CINP: variants seen among roughly 807,000 people sequenced by gnomAD.
CINP encodes cyclin-dependent kinase 2-interacting protein.
Under a neutral mutation model 20.5 loss-of-function variants are expected in CINP, and 11 were observed. The ratio of observed to expected loss-of-function variants is 0.54; its 90% CI spans 0.34 to 0.89. The LOEUF (loss-of-function observed/expected upper bound fraction) is 0.89, where lower values mean the gene tolerates loss of function less well. CINP is among the 40% of genes least tolerant of loss of function. The probability of loss-of-function intolerance (pLI) is 0.02; values close to 1 mark genes in which losing one functional copy is unlikely to be tolerated. For missense variants in CINP, 213 were observed against 251.0 expected (o/e 0.85, Z 1.02); for synonymous variants, 108 against 102.1 (o/e 1.06, Z -0.35).
intron 1 of CINP, chr14:102,362,600 T>G (rs1887192036): frequency 1.4e-6 from 1 of 708,404 alleles, no homozygotes; most frequent in Admixed American, 2.0e-5. Flanking sequence ...CTGCTGACAC[T>G]CATTTGCGTA....
intron 2 of CINP, among the ~76,000 whole-genome samples, chr14:102,356,474 G>T (rs1887000942): frequency 2.0e-5 from 3 of 151,792 alleles, no homozygotes; most frequent in African/African-American, 7.3e-5. Context: ...CATGGTGCTG[G>T]ATGTACAAAG....
intron 2 of CINP, 83 bp from the exon 3 acceptor site, chr14:102,355,980 A>G: frequency 1.4e-6 from 2 of 1,410,604 alleles, no homozygotes; most frequent in South Asian, 1.3e-5. Context: ...ACAAACCTCT[A>G]TATCCACATA....
At position 102,359,604 on chromosome 14, in the gene CINP, G is replaced by T; in HGVS notation, c.8-17C>A. The T allele has an allele frequency of 6.3e-7, 1 of 1,582,954 alleles. No homozygotes were observed. Among genetic ancestry groups the T allele is most frequent in the Non-Finnish European group, 8.6e-7 (1 of 1,163,064 alleles). ...GAGTCTTTGCTGATAGGGTATAAAA[G>T]AAACAAAATTATTATCATGGAATAT... On this transcript the variant is annotated splice_polypyrimidine_tract_variant and intron_variant, in intron 1 of 4. Transcript: ENST00000216756.
intron 2 of CINP, among the ~76,000 whole-genome samples, 192 bp downstream of exon 2, chr14:102,359,227 A>ATAT (rs1887072544): frequency 6.1e-4 from 70 of 115,420 alleles, no homozygotes; most frequent in African/African-American, 2.0e-3. Flanking sequence ...TAAATAACTA[A>ATAT]ATATATATAT....
intron 1 of CINP, 102 bp from the exon 2 acceptor site, chr14:102,359,689 G>T: frequency 1.2e-6 from 1 of 802,016 alleles, no homozygotes; most frequent in Non-Finnish European, 1.9e-6. Flanking sequence ...TATCTGAAAT[G>T]CTGTATCAAC....
At chr14:102,358,065 T>A (rs1887038546) in intron 2 of CINP, among the ~76,000 whole-genome samples, 1 of 152,166 alleles carries the variant, frequency 6.6e-6, no homozygotes, top group Non-Finnish European at 1.5e-5. Flanking sequence ...ACTCTGCCAG[T>A]GGAAAAAGCA....
At chr14:102,362,708 C>T (rs1887198211) in intron 1 of CINP, 137 bp downstream of exon 1, 5 of 1,204,208 alleles carry the variant, frequency 4.2e-6, no homozygotes, top group Admixed American at 1.9e-5. Flanking sequence ...GGCCTGCGGG[C>T]TAGGCTGGGG....
chr14:102,360,276 C>T, intron 1 of CINP, among the ~76,000 whole-genome samples: 1 of 152,152 alleles, frequency 6.6e-6, no homozygotes, highest in Non-Finnish European at 1.5e-5. Context: ...AAAGCTCCTT[C>T]CTTCCTCAGG....
At chr14:102,348,797 C>G (rs750633944) in intron 4 of CINP, 38 bp from the exon 5 acceptor site, 2 of 1,579,454 alleles carry the variant, frequency 1.3e-6, no homozygotes, top group Admixed American at 1.7e-5. Context: ...GGCAGTGATT[C>G]AAGAACATAG....
At chr14:102,359,229 T>A (rs1380683847) in intron 2 of CINP, among the ~76,000 whole-genome samples, 190 bp downstream of exon 2, 1 of 113,768 alleles carries the variant, frequency 8.8e-6, no homozygotes, top group Non-Finnish European at 2.0e-5. Context: ...AATAACTAAA[T>A]ATATATATAT....
intron 4 of CINP, among the ~76,000 whole-genome samples, chr14:102,349,277 C>A (rs542517889): frequency 6.6e-6 from 1 of 152,078 alleles, no homozygotes; most frequent in Non-Finnish European, 1.5e-5. Flanking sequence ...ATAACCTTTT[C>A]TACTTGACTC....
chr14:102,352,681 C>A lies in CINP; in HGVS notation c.307-2633G>T, dbSNP rs933146150. The A allele has an allele frequency of 2.5e-5, 10 of 395,870 alleles. No individual in the cohort carries two copies. In the East Asian group the frequency reaches 7.2e-4, roughly 28 times the overall value. The allele number at this position is 395,870 out of a possible 1,614,324, so 24.5% of individuals were successfully genotyped here. ...TTTTCTTTTTTTCTTTTTTTTGACACGGAGTCTCACTCTGTGGCCCAGACT... is the reference window on the plus strand; with the variant it reads ...TTTTCTTTTTTTCTTTTTTTTGACAAGGAGTCTCACTCTGTGGCCCAGACT... On this transcript the variant is annotated intron_variant, in intron 3 of 4. Transcript: ENST00000216756.
chr14:102,349,396 T>G (rs773571538), intron 4 of CINP, among the ~76,000 whole-genome samples: 4 of 152,120 alleles, frequency 2.6e-5, no homozygotes, highest in Admixed American at 6.6e-5. Flanking sequence ...ATTTAAAAAG[T>G]CTCAGGTCAA....
At chr14:102,352,037 A>T (rs976459292) in intron 3 of CINP, among the ~76,000 whole-genome samples, 1 of 152,152 alleles carries the variant, frequency 6.6e-6, no homozygotes, top group African/African-American at 2.4e-5. Context: ...GGCGCCCGCC[A>T]CTGTGCCTGG....
At chr14:102,357,222 T>C (rs1887018286) in intron 2 of CINP, among the ~76,000 whole-genome samples, 1 of 151,632 alleles carries the variant, frequency 6.6e-6, no homozygotes, top group Non-Finnish European at 1.5e-5. Context: ...TCTACTAAAA[T>C]ACAAAAGAAA....
chr14:102,350,932 T>C (rs562545608), intron 3 of CINP, among the ~76,000 whole-genome samples: 3 of 150,550 alleles, frequency 2.0e-5, no homozygotes, highest in African/African-American at 7.3e-5. Context: ...TTCAAGCGAT[T>C]CTCCTGCCTC....
Position 102,349,911 on chromosome 14 carries a change from C to T in CINP, c.436+8G>A. The T allele has an allele frequency of 1.2e-6, 2 of 1,613,632 alleles. No homozygotes were observed. The highest frequency in any genetic ancestry group is 1.7e-6 in the Non-Finnish European group (2 of 1,179,864). On this transcript the variant is annotated splice_region_variant and intron_variant, in intron 4 of 4. Transcript: ENST00000216756. ...CTCCTGAAAATCAACTGAGAAGGAA[C>T]TACTTACAGAAATGGGTTGTAGGCC...
rs142462431 is a variant in CINP at position 102,349,467 on chromosome 14, G to A, written c.436+452C>T. Among the ~76,000 whole-genome samples the A allele has an allele frequency of 1.6e-3, 243 of 152,184 alleles. 3 individuals carry two copies. Among genetic ancestry groups the A allele is most frequent in the African/African-American group, 5.3e-3 (220 of 41,532 alleles). ...AGCTAAAAGTAACCCTTTAAGAAGC[G>A]CCTCATAGAGTTTACTGAAGCCATG... On this transcript the variant is annotated intron_variant, in intron 4 of 4. Transcript: ENST00000216756.
rs1009775104 is a variant in CINP at position 102,362,852 on chromosome 14, A to G, written c.-1T>C. 6 of 1,613,924 alleles carry G rather than the reference A, an allele frequency of 3.7e-6. No individual in the cohort carries two copies. The highest frequency in any genetic ancestry group is 2.7e-5 in the African/African-American group (2 of 74,896). On this transcript the variant is annotated 5_prime_UTR_variant, in exon 1 of 5. Transcript: ENST00000216756. Reference sequence around the variant, plus strand: ...GGAACCGATCTCACGCACCTTCCATAAGGTCCACAGATATCCGTAGAAGGA... The same window carrying G: ...GGAACCGATCTCACGCACCTTCCATGAGGTCCACAGATATCCGTAGAAGGA...
Sources: allele counts gnomAD v4.1 joint callset (sites outside exome capture counted in the v4.1 genomes callset), GRCh38; gene constraint gnomAD v4.1.1; transcripts MANE v1.5; gene names NCBI Gene and HGNC (gene_info 2026-07-23, HGNC 2026-07-21).